DNAJC3: variants seen among roughly 807,000 people sequenced by gnomAD.
DNAJC3 encodes DnaJ heat shock protein family (Hsp40) member C3.
Under a neutral mutation model 68.6 loss-of-function variants are expected in DNAJC3, and 38 were observed. The observed-to-expected ratio is 0.55, with a 90% confidence interval of 0.43 to 0.73. The LOEUF (loss-of-function observed/expected upper bound fraction) is 0.73, where lower values mean the gene tolerates loss of function less well. DNAJC3 is among the 30% of genes least tolerant of loss of function. DNAJC3 has a pLI of 0.00. For missense variants in DNAJC3, 526 were observed against 591.9 expected (o/e 0.89, Z 1.16); for synonymous variants, 203 against 204.0 (o/e 1.00, Z 0.04).
intron 2 of DNAJC3, among the ~76,000 whole-genome samples, chr13:95,712,533 C>CG (rs911523106): frequency 1.5e-4 from 23 of 151,984 alleles, no homozygotes; most frequent in African/African-American, 5.6e-4. Context: ...TGCACCACCA[C>CG]GTCCAGCTAA....
At chr13:95,729,389 T>C (rs1471830866) in intron 4 of DNAJC3, among the ~76,000 whole-genome samples, 3 of 143,260 alleles carry the variant, frequency 2.1e-5, no homozygotes, top group African/African-American at 7.7e-5. Flanking sequence ...TCCCTCTCCC[T>C]CTCCCTCTCC....
chr13:95,735,858 G>A (rs1881897163), intron 4 of DNAJC3, among the ~76,000 whole-genome samples: 1 of 152,140 alleles, frequency 6.6e-6, no homozygotes, highest in Non-Finnish European at 1.5e-5. Context: ...GTCTTTTGTT[G>A]CCATTCCTTT....
chr13:95,710,985 C>T (rs1333380176), intron 2 of DNAJC3, among the ~76,000 whole-genome samples: 1 of 152,142 alleles, frequency 6.6e-6, no homozygotes, highest in Non-Finnish European at 1.5e-5. Context: ...CTACCGTGCC[C>T]AGCTGGTGTG....
chr13:95,720,586 A>G (rs138914972), intron 2 of DNAJC3, among the ~76,000 whole-genome samples: 243 of 152,314 alleles, frequency 1.6e-3, no homozygotes, highest in African/African-American at 5.0e-3. Flanking sequence ...CAAATAAAAT[A>G]TAAGCTGAAC....
At chr13:95,680,206 G>A (rs1372030320) in intron 1 of DNAJC3, among the ~76,000 whole-genome samples, 1 of 152,124 alleles carries the variant, frequency 6.6e-6, no homozygotes, top group African/African-American at 2.4e-5. Context: ...AACACAGCCT[G>A]GGAACGAAAC....
chr13:95,756,275 A>T (rs1882659878), intron 4 of DNAJC3, among the ~76,000 whole-genome samples: 1 of 152,144 alleles, frequency 6.6e-6, no homozygotes, highest in Non-Finnish European at 1.5e-5. Context: ...CACCCTAAGG[A>T]TGATAAAACA....
intron 4 of DNAJC3, among the ~76,000 whole-genome samples, chr13:95,740,737 G>T (rs1410439950): frequency 6.6e-6 from 1 of 152,196 alleles, no homozygotes; most frequent in Non-Finnish European, 1.5e-5. Context: ...GATGAACCCG[G>T]TACCTCAGAT....
intron 4 of DNAJC3, among the ~76,000 whole-genome samples, chr13:95,749,788 A>G (rs112098318): frequency 0.017 from 2,609 of 152,094 alleles, 78 homozygotes; most frequent in African/African-American, 0.06. Flanking sequence ...AGTGGCTCAC[A>G]CCTGTAATCC....
chr13:95,716,477 C>G (rs886594272), intron 2 of DNAJC3, among the ~76,000 whole-genome samples: 1 of 152,192 alleles, frequency 6.6e-6, no homozygotes, highest in Non-Finnish European at 1.5e-5. Context: ...TCCCTTATTG[C>G]AAGGACGGGG....
chr13:95,727,119 G>A (rs1327017729), intron 4 of DNAJC3, among the ~76,000 whole-genome samples: 1 of 151,790 alleles, frequency 6.6e-6, no homozygotes, highest in Non-Finnish European at 1.5e-5. Flanking sequence ...ATAAACATTT[G>A]TCAAATGGAT....
rs1880678020 is a variant in DNAJC3, at chr13:95,704,844, T to C, written c.83-4383T>C. 2.1e-5 allele frequency among the ~76,000 whole-genome samples: 3 copies of C among 143,914 alleles called. 1 individual carries two copies. Among genetic ancestry groups the C allele is most frequent in the African/African-American group, 8.5e-5 (3 of 35,200 alleles). The allele number at this position is 143,914 out of a possible 152,430, so 94.4% of individuals were successfully genotyped here. ...CAGTTTTAGAAAGGACTAATCTGTG[T>C]GTGTGTGTTTTTTTTTTTTTTTTTT... On this transcript the variant is annotated intron_variant, in intron 1 of 11. Transcript: ENST00000602402.
chr13:95,771,977 T>C (rs533767277), intron 9 of DNAJC3, among the ~76,000 whole-genome samples: 1 of 152,084 alleles, frequency 6.6e-6, no homozygotes, highest in East Asian at 1.9e-4. Context: ...TCCTTTTTAT[T>C]GATGAAGAGA....
chr13:95,785,079 T>C (rs1883559280), intron 9 of DNAJC3, among the ~76,000 whole-genome samples: 1 of 152,254 alleles, frequency 6.6e-6, no homozygotes, highest in African/African-American at 2.4e-5. Context: ...TGTTAAAGCC[T>C]GTGGGTTACT....
intron 3 of DNAJC3, 97 bp downstream of exon 3, chr13:95,723,463 T>A: frequency 1.5e-6 from 2 of 1,362,866 alleles, no homozygotes; most frequent in Non-Finnish European, 2.0e-6. Context: ...TAGACATAGC[T>A]GGAAGAGATC....
At chr13:95,787,391 C>CT (rs1447801288) in intron 11 of DNAJC3, among the ~76,000 whole-genome samples, 1 of 152,170 alleles carries the variant, frequency 6.6e-6, no homozygotes, top group Non-Finnish European at 1.5e-5. Flanking sequence ...GAATTTGAAT[C>CT]TTTTTTCTAC....
intron 11 of DNAJC3, among the ~76,000 whole-genome samples, chr13:95,789,023 AG>A (rs1883683085): frequency 6.6e-6 from 1 of 152,324 alleles, no homozygotes; most frequent in Non-Finnish European, 1.5e-5. Flanking sequence ...CTTTTCTCTA[AG>A]TATCTTTGAA....
intron 4 of DNAJC3, among the ~76,000 whole-genome samples, chr13:95,754,437 T>C (rs1173503998): frequency 2.6e-5 from 4 of 152,200 alleles, no homozygotes; most frequent in Non-Finnish European, 5.9e-5. Context: ...ACTTTGGTCA[T>C]ACTCTGTTTT....
chr13:95,748,597 C>T (rs1332505595), intron 4 of DNAJC3, among the ~76,000 whole-genome samples: 1 of 152,180 alleles, frequency 6.6e-6, no homozygotes, highest in African/African-American at 2.4e-5. Context: ...GGGCAGATCA[C>T]CTGAGCTCAG....
intron 7 of DNAJC3, among the ~76,000 whole-genome samples, chr13:95,761,664 CCCTT>C (rs967950324): frequency 1.9e-4 from 29 of 152,320 alleles, no homozygotes; most frequent in African/African-American, 6.7e-4. Flanking sequence ...TTGTTCCTAT[CCCTT>C]CCTTAGCTTG....
Sources: allele counts gnomAD v4.1 joint callset (sites outside exome capture counted in the v4.1 genomes callset), GRCh38; gene constraint gnomAD v4.1.1; transcripts MANE v1.5; gene names NCBI Gene and HGNC (gene_info 2026-07-23, HGNC 2026-07-21).